Variants in ZNF160 observed in about 807,000 individuals in gnomAD.
The protein encoded by ZNF160 is zinc finger protein 160, also known as KRAB zinc finger protein KR18.
ZNF160 carries 9 observed loss-of-function variants against 13.1 expected under a neutral mutation model. The ratio of observed to expected loss-of-function variants is 0.69; its 90% CI spans 0.41 to 1.20. The LOEUF is 1.20. Among genes scored for constraint, ZNF160 ranks in the 50% most tolerant of loss-of-function variants. The probability of loss-of-function intolerance (pLI) is 0.01; values close to 1 mark genes in which losing one functional copy is unlikely to be tolerated. For missense variants in ZNF160, 838 were observed against 988.0 expected, an observed-to-expected ratio of 0.85 and a Z score of 2.04; for synonymous variants, 293 against 333.2, an observed-to-expected ratio of 0.88 and a Z score of 1.31.
At chr19:53,074,371 A>G (rs754093944) in intron 4 of ZNF160, 103 bp from the exon 5 acceptor site, 124 of 1,504,496 alleles carry the variant, frequency 8.2e-5, no homozygotes, top group Non-Finnish European at 1.1e-4. Context: ...GAAAACTTCA[A>G]AAATTCATCC....
chr19:53,089,311 T>C (rs564317979), intron 2 of ZNF160, among the ~76,000 whole-genome samples: 4 of 152,348 alleles, frequency 2.6e-5, no homozygotes, highest in East Asian at 1.9e-4. Flanking sequence ...GGAAAATGCA[T>C]TGCTGGTGGG....
chr19:53,087,709 C>A (rs2084894405), intron 2 of ZNF160, among the ~76,000 whole-genome samples: 1 of 152,114 alleles, frequency 6.6e-6, no homozygotes, highest in Non-Finnish European at 1.5e-5. Context: ...CGCCACCACG[C>A]CCGGCTAATT....
chr19:53,101,316 A>T (rs1267187558), intron 1 of ZNF160, among the ~76,000 whole-genome samples: 2 of 151,976 alleles, frequency 1.3e-5, no homozygotes, highest in East Asian at 3.9e-4. Flanking sequence ...GAATAAAGTT[A>T]CCTACTGACT....
chr19:53,076,263 A>C (rs1024189422), intron 3 of ZNF160, among the ~76,000 whole-genome samples: 4 of 152,248 alleles, frequency 2.6e-5, no homozygotes, highest in Non-Finnish European at 5.9e-5. Context: ...GGTTATCTCT[A>C]TGGAAGTGTT....
Position 53,101,299 on chromosome 19 carries a change from T to A in ZNF160, c.-354+1966A>T, listed in dbSNP as rs71361299. Among the ~76,000 whole-genome samples the A allele has an allele frequency of 3.4e-3, 512 of 151,774 alleles. 4 individuals carry two copies. The highest frequency in any genetic ancestry group is 4.2e-3 in the Non-Finnish European group (287 of 67,940). ...TCTCAAAAATAAATAAATAAATAAA[T>A]AAAAATGAATAAAGTTACCTACTGA... On this transcript the variant is annotated intron_variant, in intron 1 of 5. Transcript: ENST00000683776.
In ZNF160 at chr19:53,069,461, G is replaced by A. The variant is rs1364259069; in HGVS notation, c.1073C>T (p.Thr358Ile). The A allele has an allele frequency of 6.2e-7, 1 of 1,613,756 alleles. No homozygotes were observed. The highest frequency in any genetic ancestry group is 1.6e-4 in the Middle Eastern group (1 of 6,062). ...KAFRGHSNLT[T>I]HQLIHTGEKP... ...TTCTCCAGTATGAATTAACTGATGG[G>A]TAGTTAGGTTTGAATGTCCTCTAAA... The change falls in exon 6 of 6, where the codon ACC (threonine) becomes ATC (isoleucine). Residue 358 changes from threonine to isoleucine, a missense_variant. Around this residue, in one of 3 missense-constraint regions of ZNF160, gnomAD observed 400 missense variants for 538.9 expected, o/e 0.74. Transcript: ENST00000683776. The surrounding 1 kb of genome is among the most constrained non-coding windows in gnomAD (Gnocchi z 4.4).
chr19:53,075,236 C>T, intron 3 of ZNF160, 53 bp from the exon 4 acceptor site: 3 of 1,599,528 alleles, frequency 1.9e-6, no homozygotes, highest in South Asian at 2.2e-5. Flanking sequence ...TTCAAAATTT[C>T]ACATAAAAGG....
chr19:53,081,390 T>A (rs2084626745), intron 3 of ZNF160, among the ~76,000 whole-genome samples: 1 of 152,078 alleles, frequency 6.6e-6, no homozygotes, highest in Non-Finnish European at 1.5e-5. Context: ...ATCCAGAATC[T>A]ATAAGAAACA....
rs201073674 is a variant in ZNF160, at chr19:53,068,417, C to G, written c.2117G>C (p.Arg706Pro). 1.9e-6 allele frequency: 3 copies of G among 1,609,084 alleles called. No homozygotes were observed. The South Asian group carries it at 3.3e-5, about 18-fold the overall frequency. Residue 706 changes from arginine (R) to proline (P), a missense_variant, in exon 6 of 6, where the codon CGA becomes CCA. By Grantham distance (103) the Arg-to-Pro change is moderately radical. Coordinates refer to ENST00000683776, the MANE Select transcript of ZNF160 (RefSeq NM_001322131.2). ...QRTHTGEKPY[R>P]CNECGKAFSV... Reference sequence around the variant, plus strand: ...GAAGGCTTTCCCACACTCATTGCATCGGTAAGGTTTCTCTCCGGTGTGAGT... The same window carrying G: ...GAAGGCTTTCCCACACTCATTGCATGGGTAAGGTTTCTCTCCGGTGTGAGT...
intron 3 of ZNF160, among the ~76,000 whole-genome samples, chr19:53,078,398 A>C (rs1201729569): frequency 6.6e-6 from 1 of 152,034 alleles, no homozygotes; most frequent in African/African-American, 2.4e-5. Flanking sequence ...CTACAAAGTG[A>C]GACCCCATCT....
In ZNF160 at chr19:53,068,278, T is replaced by G; in HGVS notation, c.2256A>C (p.Arg752=). ...FTQNAHLANH[R]RIHTGEKPYR... is the part of the protein sequence containing the mutation. ...AAGGTTTCTCCCCAGTATGAATTCT[T>G]CGGTGATTTGCCAGGTGAGCATTTT... is the stretch of plus-strand genomic sequence containing the variant. Residue 752 remains arginine (R), a synonymous_variant, in exon 6 of 6, where the codon CGA becomes CGC. Transcript: ENST00000683776. 6.2e-7 allele frequency: 1 copy of G among 1,613,550 alleles called. No individual in the cohort carries two copies. The highest frequency in any genetic ancestry group is 1.3e-5 in the African/African-American group (1 of 74,862).
intron 3 of ZNF160, among the ~76,000 whole-genome samples, chr19:53,081,362 A>G (rs329704): frequency 0.88 from 133,463 of 152,126 alleles, 58,644 homozygotes; most frequent in Middle Eastern, 0.93. Context: ...CAAACTACGC[A>G]TCTGACGAAT....
Position 53,069,010 on chromosome 19 carries a change from A to G in ZNF160, c.1524T>C (p.Pro508=), listed in dbSNP as rs2084064164. 1.9e-6 allele frequency: 3 copies of G among 1,614,202 alleles called. No individual in the cohort carries two copies. The highest frequency in any genetic ancestry group is 2.5e-6 in the Non-Finnish European group (3 of 1,180,048). The change falls in exon 6 of 6, where the codon CCT becomes CCC. Residue 508 remains proline, a synonymous_variant. Transcript: ENST00000683776. The surrounding 1 kb of genome is among the most constrained non-coding windows in gnomAD (Gnocchi z 4.4). Reference sequence around the variant, plus strand: ...CTTTCCCACACTCATTACACTTGTAAGGTTTCTCTCCAGTATGAATTCTTC... The same window carrying G: ...CTTTCCCACACTCATTACACTTGTAGGGTTTCTCTCCAGTATGAATTCTTC... The part of the protein sequence containing the change: ...NHRRIHTGEK[P]YKCNECGKAF...
intron 2 of ZNF160, among the ~76,000 whole-genome samples, chr19:53,088,052 AG>A (rs1438708289): frequency 6.6e-6 from 1 of 152,196 alleles, no homozygotes; most frequent in East Asian, 1.9e-4. Flanking sequence ...AGACAAGAAG[AG>A]GTGTAAGGAC....
chr19:53,075,099 T>C lies in ZNF160; in HGVS notation c.100A>G (p.Arg34Gly), dbSNP rs747567213. Residue 34 changes from arginine (R) to glycine (G), a missense_variant, in exon 4 of 6, where the codon AGG becomes GGG. Arg to Gly is a moderately radical substitution (Grantham distance 125). Transcript: ENST00000683776. ...CLDPAQRILY[R>G]DVMLENYWNL... ...CAGTAGTTCTCCAACATCACGTCCC[T>C]GTATAAGATCCTCTGAGCAGGGTCC... The C allele has an allele frequency of 1.9e-6, 3 of 1,614,056 alleles. No individual in the cohort carries two copies. The highest frequency in any genetic ancestry group is 1.3e-5 in the African/African-American group (1 of 74,926).
intron 5 of ZNF160, among the ~76,000 whole-genome samples, chr19:53,071,060 G>A (rs1241493167): frequency 6.6e-6 from 1 of 152,072 alleles, no homozygotes; most frequent in African/African-American, 2.4e-5. Context: ...GTCAGGCGTG[G>A]TGGCATGCGC....
chr19:53,096,398 C>A (rs2085236244), intron 1 of ZNF160, among the ~76,000 whole-genome samples: 1 of 151,848 alleles, frequency 6.6e-6, no homozygotes, highest in Non-Finnish European at 1.5e-5. Flanking sequence ...TCATGGAGAC[C>A]ACTCTGCTTA....
chr19:53,069,141 G>A lies in ZNF160; in HGVS notation c.1393C>T (p.His465Tyr). Reference sequence around the variant, plus strand: ...ACCTGATGGGTAGCTAGGTTTGAATGCATACTGAAGGCTTTGCCACATTCA... The same window carrying A: ...ACCTGATGGGTAGCTAGGTTTGAATACATACTGAAGGCTTTGCCACATTCA... ...CNECGKAFSM[H>Y]SNLATHQVIH... is the part of the protein sequence containing the mutation. The change falls in exon 6 of 6, where the codon CAT (histidine) becomes TAT (tyrosine). Residue 465 changes from histidine (H) to tyrosine (Y), a missense_variant. Coordinates refer to ENST00000683776, the MANE Select transcript of ZNF160 (RefSeq NM_001322131.2). The surrounding 1 kb of genome is among the most constrained non-coding windows in gnomAD (Gnocchi z 4.4). 6 of 1,614,050 alleles carry A rather than the reference G, an allele frequency of 3.7e-6. No individual in the cohort carries two copies. Among genetic ancestry groups the A allele is most frequent in the African/African-American group, 1.3e-5 (1 of 74,996 alleles).
At chr19:53,072,108 T>TC (rs964778485) in intron 5 of ZNF160, among the ~76,000 whole-genome samples, 4 of 150,942 alleles carry the variant, frequency 2.7e-5, no homozygotes, top group Non-Finnish European at 4.4e-5. Context: ...TTTCTTTCTT[T>TC]TTTTTTTTTT....
Sources: gnomAD v4.1 joint callset for allele counts (sites outside exome capture counted in the v4.1 genomes callset) on GRCh38, gnomAD v4.1.1 for gene constraint, gnomAD v4.1.1 regional missense constraint, Gnocchi (gnomAD v3.1) non-coding constraint, MANE v1.5 for transcripts, NCBI Gene and HGNC (gene_info 2026-07-23, HGNC 2026-07-21) for gene names.